The following QTMAN variants were observed in gnomAD, a reference collection of about 807,000 sequenced individuals.
QTMAN encodes tRNA-queuosine alpha-mannosyltransferase.
the QTMAN span, among the ~76,000 whole-genome samples, chr2:144,175,680 G>GAA: frequency 6.6e-6 from 1 of 152,000 alleles, no homozygotes; most frequent in African/African-American, 2.4e-5. Context: ...CAGAGAGAGA[G>GAA]AGAGAGAGAG....
the QTMAN span, among the ~76,000 whole-genome samples, chr2:143,998,386 T>A: frequency 6.6e-6 from 1 of 151,586 alleles, no homozygotes; most frequent in South Asian, 2.1e-4. Context: ...CTAGGCCAAA[T>A]AATGCTGAAA....
the QTMAN span, among the ~76,000 whole-genome samples, chr2:143,956,824 C>T: frequency 6.6e-6 from 1 of 151,846 alleles, no homozygotes; most frequent in Non-Finnish European, 1.5e-5. Context: ...AGGATTTTGT[C>T]TTGATTGGCA....
chr2:143,971,552 T>C, the QTMAN span, among the ~76,000 whole-genome samples: 3 of 152,300 alleles, frequency 2.0e-5, no homozygotes, highest in South Asian at 6.2e-4. Context: ...ACTCTACAAT[T>C]AAACAAATCA....
the QTMAN span, among the ~76,000 whole-genome samples, chr2:144,093,813 C>T: frequency 6.6e-6 from 1 of 152,122 alleles, no homozygotes; most frequent in Non-Finnish European, 1.5e-5. Flanking sequence ...ACTGTCCATC[C>T]TTTATATCCA....
the QTMAN span, among the ~76,000 whole-genome samples, chr2:144,058,801 C>T: frequency 6.6e-6 from 1 of 152,170 alleles, no homozygotes; most frequent in Non-Finnish European, 1.5e-5. Context: ...ACACTGGGTT[C>T]TGCCTTCTTC....
chr2:144,210,095 C>A, the QTMAN span, among the ~76,000 whole-genome samples: 1 of 151,750 alleles, frequency 6.6e-6, no homozygotes, highest in South Asian at 2.1e-4. Flanking sequence ...GTGTATATTT[C>A]ATTTATATGC....
At chr2:144,145,136 G>A in the QTMAN span, among the ~76,000 whole-genome samples, 1,292 of 150,222 alleles carry the variant, frequency 8.6e-3, 6 homozygotes, top group Non-Finnish European at 0.014. Context: ...AAAGGCGGGG[G>A]AGACAAAACC....
At chr2:144,229,216 T>A in the QTMAN span, among the ~76,000 whole-genome samples, 1 of 152,206 alleles carries the variant, frequency 6.6e-6, no homozygotes, top group Non-Finnish European at 1.5e-5. Context: ...CAGACAAATT[T>A]TAAATGTGTA....
chr2:144,257,103 C>T, the QTMAN span, among the ~76,000 whole-genome samples: 1 of 142,404 alleles, frequency 7.0e-6, no homozygotes, highest in Non-Finnish European at 1.5e-5. Flanking sequence ...AAAAAAAAAC[C>T]AGAACAAAAG....
chr2:144,212,129 C>T, the QTMAN span, among the ~76,000 whole-genome samples: 12 of 152,132 alleles, frequency 7.9e-5, no homozygotes, highest in Non-Finnish European at 1.5e-4. Flanking sequence ...ACAAGTACTA[C>T]CAGAAACCTT....
chr2:144,291,655 T>G, the QTMAN span, among the ~76,000 whole-genome samples: 1 of 152,312 alleles, frequency 6.6e-6, no homozygotes, highest in African/African-American at 2.4e-5. Flanking sequence ...TTAGCTCAGG[T>G]AAGCCAGCCA....
chr2:144,044,333 A>G, the QTMAN span, among the ~76,000 whole-genome samples: 2 of 152,250 alleles, frequency 1.3e-5, no homozygotes, highest in South Asian at 4.1e-4. Flanking sequence ...TATTATTAGA[A>G]TAAAATGTAA....
At chr2:143,991,611 C>G in the QTMAN span, among the ~76,000 whole-genome samples, 1 of 138,318 alleles carries the variant, frequency 7.2e-6, no homozygotes, top group African/African-American at 2.8e-5. Context: ...AGGTGAGGGG[C>G]GCCTCTGCCC....
chr2:144,192,359 A>C, the QTMAN span, among the ~76,000 whole-genome samples: 681 of 152,224 alleles, frequency 4.5e-3, 6 homozygotes, highest in Middle Eastern at 0.034. Context: ...CACCTGCCTC[A>C]GCCTCCCAAA....
the QTMAN span, among the ~76,000 whole-genome samples, chr2:144,253,674 T>C: frequency 1.3e-5 from 2 of 151,886 alleles, no homozygotes; most frequent in Non-Finnish European, 2.9e-5. Flanking sequence ...TCTGGGTATC[T>C]GGCAGAAGAA....
the QTMAN span, among the ~76,000 whole-genome samples, chr2:144,163,452 C>CT: frequency 6.6e-6 from 1 of 151,892 alleles, no homozygotes; most frequent in African/African-American, 2.4e-5. Context: ...ATAAAATCTC[C>CT]TAAAGTTAGT....
the QTMAN span, among the ~76,000 whole-genome samples, chr2:144,019,768 C>T: frequency 6.6e-6 from 1 of 152,172 alleles, no homozygotes; most frequent in Admixed American, 6.5e-5. Context: ...AAAGTACACC[C>T]ATTCATTGGT....
chr2:143,999,902 T>C, the QTMAN span, among the ~76,000 whole-genome samples: 1 of 152,124 alleles, frequency 6.6e-6, no homozygotes, highest in Non-Finnish European at 1.5e-5. Flanking sequence ...TATGATATTC[T>C]ATTATAACAG....
At chr2:144,109,757 A>C in the QTMAN span, among the ~76,000 whole-genome samples, 70 of 152,326 alleles carry the variant, frequency 4.6e-4, no homozygotes, top group Non-Finnish European at 1.5e-4. Context: ...TCTCAAAAGA[A>C]GACATTTATG....
Sources: allele counts gnomAD v4.1 joint callset (sites outside exome capture counted in the v4.1 genomes callset), GRCh38; gene constraint gnomAD v4.1.1; transcripts MANE v1.5; gene names NCBI Gene and HGNC (gene_info 2026-07-23, HGNC 2026-07-21).